HS2ST1: variants seen among roughly 807,000 people sequenced by gnomAD.
HS2ST1 encodes heparan sulfate 2-O-sulfotransferase 1.
HS2ST1 carries 18 observed loss-of-function variants against 42.9 expected under a neutral mutation model. The observed-to-expected ratio is 0.42, with a 90% CI of 0.29 to 0.62. The LOEUF (loss-of-function observed/expected upper bound fraction) is 0.62, where lower values mean the gene tolerates loss of function less well. HS2ST1 is among the 20% of genes least tolerant of loss of function. The pLI is 0.21. For missense variants in HS2ST1, 334 were observed against 433.8 expected, an observed-to-expected ratio of 0.77 and a Z score of 2.04; for synonymous variants, 146 against 152.9, an observed-to-expected ratio of 0.95 and a Z score of 0.33.
At chr1:86,969,412 G>T (rs1465817104) in intron 1 of HS2ST1, among the ~76,000 whole-genome samples, 1 of 152,160 alleles carries the variant, frequency 6.6e-6, no homozygotes, top group Non-Finnish European at 1.5e-5. Context: ...GTGCGCACGT[G>T]CCTGTGTGGA....
chr1:87,015,178 A>G (rs1438985964), intron 1 of HS2ST1, among the ~76,000 whole-genome samples: 3 of 152,050 alleles, frequency 2.0e-5, no homozygotes, highest in Non-Finnish European at 1.5e-5. Flanking sequence ...CCTCCCGAGT[A>G]GCTGGGACTA....
intron 3 of HS2ST1, among the ~76,000 whole-genome samples, chr1:87,090,475 C>G (rs1422105978): frequency 1.3e-5 from 2 of 151,932 alleles, no homozygotes; most frequent in African/African-American, 2.4e-5. Context: ...AGGAGAAACA[C>G]TAGTAGGATA....
intron 1 of HS2ST1, chr1:87,045,345 G>C (rs1650623674): frequency 7.7e-7 from 1 of 1,306,322 alleles, no homozygotes; most frequent in African/African-American, 1.4e-5. Context: ...AACTTCTTGT[G>C]ATTATTAGCT....
At chr1:86,979,668 G>C (rs1382795884) in intron 1 of HS2ST1, among the ~76,000 whole-genome samples, 1 of 152,158 alleles carries the variant, frequency 6.6e-6, no homozygotes, top group Non-Finnish European at 1.5e-5. Flanking sequence ...CCATGAACCT[G>C]GGTGTACAAA....
At chr1:86,989,813 A>G (rs1190979792) in intron 1 of HS2ST1, among the ~76,000 whole-genome samples, 1 of 152,120 alleles carries the variant, frequency 6.6e-6, no homozygotes, top group Non-Finnish European at 1.5e-5. Flanking sequence ...GAGTGAGAAC[A>G]TGTGATGTTT....
At chr1:87,101,924 A>G (rs534742581) in intron 5 of HS2ST1, among the ~76,000 whole-genome samples, 1 of 152,348 alleles carries the variant, frequency 6.6e-6, no homozygotes, top group Admixed American at 6.5e-5. Context: ...GCATGGCACC[A>G]ACATCTGTTT....
intron 1 of HS2ST1, chr1:87,064,419 C>T: frequency 5.9e-6 from 3 of 512,024 alleles, no homozygotes; most frequent in Non-Finnish European, 1.2e-5. Flanking sequence ...TCAGAAGGGG[C>T]AATAGTGAAA....
chr1:86,937,862 A>C (rs976665905), intron 1 of HS2ST1, among the ~76,000 whole-genome samples: 2 of 150,624 alleles, frequency 1.3e-5, no homozygotes, highest in Non-Finnish European at 1.5e-5. Flanking sequence ...CACCTGTCCT[A>C]CTCTTATTTC....
intron 1 of HS2ST1, among the ~76,000 whole-genome samples, chr1:86,983,131 CTCTG>C (rs1648646860): frequency 6.6e-6 from 1 of 152,300 alleles, no homozygotes; most frequent in Admixed American, 6.5e-5. Context: ...CTGTCCCGGC[CTCTG>C]TCTGTTACCC....
intron 1 of HS2ST1, among the ~76,000 whole-genome samples, chr1:87,065,904 A>G (rs1651237519): frequency 6.6e-6 from 1 of 151,802 alleles, no homozygotes; most frequent in African/African-American, 2.4e-5. Flanking sequence ...TTTCTTTTTT[A>G]TTTTAACACT....
chr1:86,990,836 A>ATATAT (rs1289652447), intron 1 of HS2ST1, among the ~76,000 whole-genome samples: 1 of 44,232 alleles, frequency 2.3e-5, no homozygotes, highest in African/African-American at 7.9e-5. Context: ...ATATATATAT[A>ATATAT]TTTTTTTTTT....
chr1:86,921,297 T>C (rs1421304316), intron 1 of HS2ST1, among the ~76,000 whole-genome samples: 1 of 152,202 alleles, frequency 6.6e-6, no homozygotes, highest in Non-Finnish European at 1.5e-5. Context: ...CTTGTAGTTA[T>C]GTCACTTTTT....
chr1:87,079,350 C>G (rs1202144277), intron 2 of HS2ST1, among the ~76,000 whole-genome samples: 1 of 152,118 alleles, frequency 6.6e-6, no homozygotes, highest in Non-Finnish European at 1.5e-5. Context: ...GTTGCCTTGG[C>G]TGGTCTCAAA....
chr1:87,049,320 T>TTA (rs1553140463), intron 1 of HS2ST1, among the ~76,000 whole-genome samples: 1 of 151,870 alleles, frequency 6.6e-6, no homozygotes, highest in Non-Finnish European at 1.5e-5. Flanking sequence ...TCAGTTTTAT[T>TTA]TTTATTTATT....
intron 1 of HS2ST1, among the ~76,000 whole-genome samples, chr1:86,948,554 A>G (rs1647404896): frequency 6.6e-6 from 1 of 152,176 alleles, no homozygotes; most frequent in Non-Finnish European, 1.5e-5. Context: ...TAATGACCAG[A>G]ATTGTGGTTT....
intron 1 of HS2ST1, among the ~76,000 whole-genome samples, chr1:87,062,289 G>C (rs1651138034): frequency 6.7e-6 from 1 of 150,234 alleles, no homozygotes; most frequent in African/African-American, 2.5e-5. Context: ...GCATTCCTGT[G>C]GGTTACTTAT....
intron 1 of HS2ST1, among the ~76,000 whole-genome samples, chr1:87,001,047 A>G (rs1217562865): frequency 6.6e-6 from 1 of 152,226 alleles, no homozygotes; most frequent in Non-Finnish European, 1.5e-5. Flanking sequence ...TTGTTTTTAT[A>G]CAAGTGGATA....
chr1:86,933,805 G>C (rs1158127527), intron 1 of HS2ST1, among the ~76,000 whole-genome samples: 1 of 151,600 alleles, frequency 6.6e-6, no homozygotes, highest in Non-Finnish European at 1.5e-5. Flanking sequence ...ATCTGGCTAG[G>C]AGTTAGGCTG....
Position 86,915,117 on chromosome 1 carries a change from G to A in HS2ST1, c.81G>A (p.Leu27=). ...VVAFAVAMLF[L]ENQIQKLEES... ...CCTTCGCGGTGGCGATGCTCTTCTT[G>A]GAAAACCAGATCCAGAAACTGGAGG... Residue 27 remains leucine, a synonymous_variant, in exon 1 of 7, where the codon TTG becomes TTA. Transcript: ENST00000370550. 6.2e-7 allele frequency: 1 copy of A among 1,614,126 alleles called. No individual in the cohort carries two copies. Among genetic ancestry groups the A allele is most frequent in the South Asian group, 1.1e-5 (1 of 91,086 alleles).
Sources: gnomAD v4.1 joint callset for allele counts (sites outside exome capture counted in the v4.1 genomes callset) on GRCh38, gnomAD v4.1.1 for gene constraint, MANE v1.5 for transcripts, NCBI Gene and HGNC (gene_info 2026-07-23, HGNC 2026-07-21) for gene names.